MRPL36: variants seen among roughly 807,000 people sequenced by gnomAD.
MRPL36 encodes the protein mitochondrial ribosomal protein L36, also known as large ribosomal subunit protein bL36m.
MRPL36 carries 1 observed loss-of-function variant against 2.8 expected under a neutral mutation model. That is an observed-to-expected ratio of 0.36 (90% CI 0.13 to 1.69). The LOEUF is 1.69. Ranked by LOEUF, MRPL36 falls within the 40% of genes most tolerant of loss-of-function variation. MRPL36 has a pLI of 0.35. For synonymous variants in MRPL36, 68 were observed against 54.8 expected, an observed-to-expected ratio of 1.24 and a Z score of -1.06; for missense variants, 148 against 132.7, an observed-to-expected ratio of 1.12 and a Z score of -0.57.
At chr5:1,800,551 G>C (rs1001422176), upstream of MRPL36, among the ~76,000 whole-genome samples, 1 of 152,174 alleles carries the variant, frequency 6.6e-6, no homozygotes, top group African/African-American at 2.4e-5. Context: ...CACCACGTTT[G>C]CTGGGACATC....
upstream of MRPL36, chr5:1,801,406 C>T (rs145747389): frequency 0.017 from 26,594 of 1,605,222 alleles, 260 homozygotes; most frequent in Non-Finnish European, 0.02. Flanking sequence ...GGTCAAAGGC[C>T]AGCGGCGCAA....
At chr5:1,801,395 G>C, upstream of MRPL36, 1 of 1,602,976 alleles carries the variant, frequency 6.2e-7, no homozygotes, top group Non-Finnish European at 8.5e-7. Context: ...ACGTTGCGCC[G>C]GGTCAAAGGC....
At chr5:1,801,080 T>C (rs1402332790), upstream of MRPL36, among the ~76,000 whole-genome samples, 2 of 152,238 alleles carry the variant, frequency 1.3e-5, no homozygotes, top group African/African-American at 2.4e-5. Flanking sequence ...TCGCACACCA[T>C]TGCCTGCCTC....
upstream of MRPL36, chr5:1,801,300 C>T (rs1447662231): frequency 1.5e-6 from 2 of 1,352,010 alleles, no homozygotes; most frequent in South Asian, 2.8e-5. Context: ...TCTGCCCCGA[C>T]CCGCGCTCCC....
chr5:1,798,718 T>C lies in MRPL36; in HGVS notation c.218A>G (p.Lys73Arg), dbSNP rs1214717967. The C allele has an allele frequency of 1.9e-6, 3 of 1,613,938 alleles. No individual in the cohort carries two copies. Among genetic ancestry groups the C allele is most frequent in the South Asian group, 2.2e-5 (2 of 91,076 alleles). Residue 73 changes from lysine to arginine, a missense_variant, in exon 2 of 2, where the codon AAG (lysine) becomes AGG (arginine). Physicochemically the swap from Lys to Arg is conservative, Grantham distance 26. Coordinates refer to ENST00000505059, the MANE Select transcript of MRPL36 (RefSeq NM_032479.4). ...ALGFKNKTVL[K>R]KRCKDCYLVK... ...CAGGTAACAGTCCTTGCAGCGCTTCTTAAGGACAGTCTTGTTTTTGAACCC... is the reference window on the plus strand; with the variant it reads ...CAGGTAACAGTCCTTGCAGCGCTTCCTAAGGACAGTCTTGTTTTTGAACCC...
chr5:1,799,269 CCAAA>C (rs1733948127), intron 1 of MRPL36: 1 of 219,890 alleles, frequency 4.5e-6, no homozygotes, highest in South Asian at 9.6e-5. Flanking sequence ...GCATCCCTTT[CCAAA>C]CAGACACCAG....
rs753959556 is a variant in MRPL36, at chr5:1,798,649, G to A, written c.287C>T (p.Pro96Leu). ...CTACATCTGTCTCTGCTTGTGCCTC[G>A]GATGGGTTTTACAGTAGACGTACCA... ...GRWYVYCKTH[P>L]RHKQRQM Residue 96 changes from proline (P) to leucine (L), a missense_variant, in exon 2 of 2, where the codon CCG (proline) becomes CTG (leucine). Transcript: ENST00000505059. 1.2e-6 allele frequency: 2 copies of A among 1,611,004 alleles called. No individual in the cohort carries two copies. Among genetic ancestry groups the A allele is most frequent in the Non-Finnish European group, 1.7e-6 (2 of 1,177,380 alleles).
chr5:1,801,338 T>A (rs1391518597), upstream of MRPL36: 1 of 1,542,098 alleles, frequency 6.5e-7, no homozygotes, highest in Non-Finnish European at 8.7e-7. Context: ...AAATACCGGG[T>A]GTTTGGCGCC....
At chr5:1,801,396 G>T, upstream of MRPL36, 1 of 1,603,780 alleles carries the variant, frequency 6.2e-7, no homozygotes, top group Non-Finnish European at 8.5e-7. Context: ...CGTTGCGCCG[G>T]GTCAAAGGCC....
Position 1,798,616 on chromosome 5 carries a change from G to T in MRPL36, c.*8C>A. ...ACGAGTATGTGCGTGACTCTGGAGG[G>T]AAAGGGTCTACATCTGTCTCTGCTT... On this transcript the variant is annotated 3_prime_UTR_variant, in exon 2 of 2. Transcript: ENST00000505059. 1 of 1,596,950 alleles carries T rather than the reference G, an allele frequency of 6.3e-7. No homozygotes were observed. Among genetic ancestry groups the T allele is most frequent in the South Asian group, 1.1e-5 (1 of 90,652 alleles).
upstream of MRPL36, among the ~76,000 whole-genome samples, chr5:1,801,017 C>T (rs760475765): frequency 3.9e-5 from 6 of 152,196 alleles, no homozygotes; most frequent in Non-Finnish European, 5.9e-5. Flanking sequence ...TTACATCCTC[C>T]CCTGCCTGTC....
chr5:1,798,733 T>A lies in MRPL36; in HGVS notation c.203A>T (p.Asn68Ile), dbSNP rs1156984789. Residue 68 changes from asparagine to isoleucine, a missense_variant, in exon 2 of 2, where the codon AAC (asparagine) becomes ATC (isoleucine). Asn to Ile is a moderately radical substitution (Grantham distance 149). Coordinates refer to ENST00000505059, the MANE Select transcript of MRPL36 (RefSeq NM_032479.4). The part of the protein sequence containing the change: ...PHLLPALGFK[N>I]KTVLKKRCKD... Reference sequence around the variant, plus strand: ...GCAGCGCTTCTTAAGGACAGTCTTGTTTTTGAACCCCAGCGCAGGCAGCAG... The same window carrying A: ...GCAGCGCTTCTTAAGGACAGTCTTGATTTTGAACCCCAGCGCAGGCAGCAG... The A allele has an allele frequency of 6.2e-7, 1 of 1,613,774 alleles. No individual in the cohort carries two copies. The highest frequency in any genetic ancestry group is 8.5e-7 in the Non-Finnish European group (1 of 1,179,884).
chr5:1,801,409 C>A, upstream of MRPL36: 1 of 1,605,166 alleles, frequency 6.2e-7, no homozygotes, highest in Admixed American at 1.7e-5. Flanking sequence ...CAAAGGCCAG[C>A]GGCGCAAAAT....
upstream of MRPL36, chr5:1,801,303 G>A (rs1734030014): frequency 7.4e-6 from 10 of 1,353,786 alleles, no homozygotes; most frequent in East Asian, 2.5e-5. Context: ...GCCCCGACCC[G>A]CGCTCCCCGC....
At chr5:1,799,132 G>A in intron 1 of MRPL36, 185 bp from the exon 2 acceptor site, 1 of 541,218 alleles carries the variant, frequency 1.8e-6, no homozygotes, top group Non-Finnish European at 3.3e-6. Flanking sequence ...AGTGTGCCAG[G>A]AGAATAAGGG....
At chr5:1,799,207 T>C (rs2291944) in intron 1 of MRPL36, 303,359 of 352,722 alleles carry the variant, frequency 0.86, 132,533 homozygotes, top group Non-Finnish European at 0.91. Context: ...TGCAAAGCCC[T>C]GCGATGTTGA....
chr5:1,798,563 T>A lies in MRPL36; in HGVS notation c.*61A>T. The A allele has an allele frequency of 6.6e-7, 1 of 1,507,734 alleles. No homozygotes were observed. Among genetic ancestry groups the A allele is most frequent in the Non-Finnish European group, 9.0e-7 (1 of 1,105,108 alleles). 93.4% of individuals were successfully genotyped at this position (1,507,734 alleles called of 1,614,324 possible). On this transcript the variant is annotated 3_prime_UTR_variant, in exon 2 of 2. Coordinates refer to ENST00000505059, the MANE Select transcript of MRPL36 (RefSeq NM_032479.4). ...TGATGTGATAATTCCTTCCATAAGA[T>A]ACAACCATTCTCCCAAGTGATGCGA...
chr5:1,801,216 AG>A (rs1734026607), upstream of MRPL36: 1 of 731,224 alleles, frequency 1.4e-6, no homozygotes. Context: ...CGGTGTAATC[AG>A]GGGCATTTTT....
In MRPL36 at chr5:1,798,866, G is replaced by C. The variant is rs1174141695; in HGVS notation, c.70C>G (p.Arg24Gly). 1.9e-6 allele frequency: 3 copies of C among 1,613,274 alleles called. No homozygotes were observed. The highest frequency in any genetic ancestry group is 1.3e-5 in the African/African-American group (1 of 75,034). ...LYLSRHTVKPRALSTFLFGSI... is the reference protein window; with the variant it reads ...LYLSRHTVKPGALSTFLFGSI... ...CCAAATAGAAATGTGGAGAGGGCTC[G>C]AGGCTTCACCGTGTGACGACTGAGA... Residue 24 changes from arginine to glycine, a missense_variant, in exon 2 of 2, where the codon CGA (arginine) becomes GGA (glycine). Transcript: ENST00000505059.
Sources: gnomAD v4.1 joint callset for allele counts (sites outside exome capture counted in the v4.1 genomes callset) on GRCh38, gnomAD v4.1.1 for gene constraint, MANE v1.5 for transcripts, NCBI Gene and HGNC (gene_info 2026-07-23, HGNC 2026-07-21) for gene names.